ANKRD17: variants seen among roughly 807,000 people sequenced by gnomAD.
ANKRD17 encodes the protein ankyrin repeat domain-containing protein 17.
In ANKRD17, 19 loss-of-function variants were observed where a neutral mutation model predicts 229.7. The observed-to-expected ratio is 0.08, with a 90% CI of 0.06 to 0.12. The LOEUF (loss-of-function observed/expected upper bound fraction) is 0.12, where lower values mean the gene tolerates loss of function less well. ANKRD17 is among the 10% of genes least tolerant of loss of function. The pLI is 1.00. For synonymous variants in ANKRD17, 1,112 were observed against 1,146.1 expected (o/e 0.97, Z 0.60); for missense variants, 2,176 against 3,176.8 (o/e 0.68, Z 7.57).
chr4:73,188,430 T>G (rs528540591), intron 1 of ANKRD17, among the ~76,000 whole-genome samples: 8 of 151,382 alleles, frequency 5.3e-5, no homozygotes, highest in Non-Finnish European at 1.2e-4. Flanking sequence ...ACTAAAAATA[T>G]AAAAATTAGC....
At chr4:73,201,320 T>A (rs1210395044) in intron 1 of ANKRD17, among the ~76,000 whole-genome samples, 2 of 151,996 alleles carry the variant, frequency 1.3e-5, no homozygotes, top group African/African-American at 2.4e-5. Context: ...ATCTATAAAC[T>A]TTTTTTACTA....
intron 29 of ANKRD17, among the ~76,000 whole-genome samples, chr4:73,088,111 G>T (rs1001137462): frequency 6.6e-6 from 1 of 152,094 alleles, no homozygotes; most frequent in Non-Finnish European, 1.5e-5. Context: ...ATCTTTATGT[G>T]ACTTAAATAA....
intron 30 of ANKRD17, among the ~76,000 whole-genome samples, chr4:73,082,814 C>G (rs1224352593): frequency 6.6e-6 from 1 of 151,936 alleles, no homozygotes; most frequent in Non-Finnish European, 1.5e-5. Flanking sequence ...AACTTGCAGT[C>G]CTAATTAGAA....
chr4:73,124,532 T>C (rs961888269), intron 18 of ANKRD17, among the ~76,000 whole-genome samples: 4 of 152,102 alleles, frequency 2.6e-5, no homozygotes, highest in African/African-American at 9.7e-5. Flanking sequence ...TATTCTTAAT[T>C]CCCTACTAAT....
At chr4:73,111,924 A>G (rs972125648) in intron 24 of ANKRD17, among the ~76,000 whole-genome samples, 1 of 152,244 alleles carries the variant, frequency 6.6e-6, no homozygotes, top group South Asian at 2.1e-4. Flanking sequence ...TTTTGAATGA[A>G]TACAATATTT....
chr4:73,082,819 T>A (rs1352942035), intron 30 of ANKRD17, among the ~76,000 whole-genome samples: 1 of 152,182 alleles, frequency 6.6e-6, no homozygotes, highest in African/African-American at 2.4e-5. Context: ...GCAGTCCTAA[T>A]TAGAATCTTG....
chr4:73,088,341 C>T (rs1722415290), intron 29 of ANKRD17, among the ~76,000 whole-genome samples: 1 of 152,046 alleles, frequency 6.6e-6, no homozygotes, highest in South Asian at 2.1e-4. Flanking sequence ...CTCAAAATGA[C>T]CTGAATTAGG....
At chr4:73,221,297 A>G (rs945891890) in intron 1 of ANKRD17, among the ~76,000 whole-genome samples, 2 of 152,154 alleles carry the variant, frequency 1.3e-5, no homozygotes, top group Non-Finnish European at 2.9e-5. Context: ...AGGTAACATG[A>G]AATCTTAACA....
intron 21 of ANKRD17, 46 bp from the exon 22 acceptor site, chr4:73,118,896 T>TC (rs767446581): frequency 2.6e-6 from 4 of 1,559,052 alleles, no homozygotes; most frequent in Admixed American, 1.9e-5. Flanking sequence ...TTTTTTTTTT[T>TC]TTTTTTTTGA....
intron 30 of ANKRD17, among the ~76,000 whole-genome samples, chr4:73,085,017 A>G (rs1209010000): frequency 6.6e-6 from 1 of 152,180 alleles, no homozygotes; most frequent in Non-Finnish European, 1.5e-5. Flanking sequence ...CCTGTCTCTA[A>G]TAAAAATAAA....
chr4:73,193,413 A>C (rs550509248), intron 1 of ANKRD17, among the ~76,000 whole-genome samples: 1 of 152,306 alleles, frequency 6.6e-6, no homozygotes, highest in South Asian at 2.1e-4. Context: ...TGTATGTTTA[A>C]ATTTATAAAA....
At chr4:73,118,550 A>T in intron 22 of ANKRD17, 138 bp downstream of exon 22, 2 of 941,334 alleles carry the variant, frequency 2.1e-6, no homozygotes, top group Non-Finnish European at 1.6e-6. Flanking sequence ...TAATGTTGCC[A>T]TAAGAGTAAT....
intron 24 of ANKRD17, 78 bp downstream of exon 24, chr4:73,113,709 CAAAAA>C: frequency 8.9e-7 from 1 of 1,117,680 alleles, no homozygotes; most frequent in Middle Eastern, 2.0e-4. Flanking sequence ...CAAAACAAAA[CAAAAA>C]GACGGATTAC....
intron 1 of ANKRD17, among the ~76,000 whole-genome samples, chr4:73,198,264 C>A (rs1738165000): frequency 6.6e-6 from 1 of 152,082 alleles, no homozygotes. Context: ...AAATAATCAT[C>A]ATTTAATTGG....
chr4:73,085,073 G>C (rs543126416), intron 30 of ANKRD17, among the ~76,000 whole-genome samples, 176 bp downstream of exon 30: 1 of 152,240 alleles, frequency 6.6e-6, no homozygotes, highest in South Asian at 2.1e-4. Flanking sequence ...TTTTAGGTTT[G>C]ATAGAACCTA....
intron 1 of ANKRD17, among the ~76,000 whole-genome samples, chr4:73,211,231 A>AC (rs1740210732): frequency 6.6e-6 from 1 of 152,132 alleles, no homozygotes; most frequent in African/African-American, 2.4e-5. Flanking sequence ...AGGGTGGGAA[A>AC]ACCCTAGAGA....
rs1306946719 is a variant in ANKRD17, at chr4:73,097,987, C to A, written c.5021+86G>T. 6.0e-6 allele frequency: 8 copies of A among 1,337,828 alleles called. No individual in the cohort carries two copies. In the Admixed American group the frequency reaches 1.9e-4, roughly 32 times the overall value. The allele number at this position is 1,337,828 out of a possible 1,614,324, so 82.9% of individuals were successfully genotyped here. A position where few individuals can be genotyped will look rare whatever the true frequency, so the allele number is the denominator to read the frequency against. On this transcript the variant is annotated intron_variant, in intron 26 of 33. Transcript: ENST00000358602. ...AAGAAAAATCCTATTTTGCAAGTTG[C>A]AAATTTACTTTCTTTACCAACAAAT...
At chr4:73,208,892 A>T (rs1739868268) in intron 1 of ANKRD17, among the ~76,000 whole-genome samples, 1 of 152,158 alleles carries the variant, frequency 6.6e-6, no homozygotes, top group Non-Finnish European at 1.5e-5. Context: ...GGGAAAAAAT[A>T]AGAGCAGAAA....
rs1320102056 is a variant in ANKRD17 at position 73,098,102 on chromosome 4, T to C, written c.4992A>G (p.Arg1664=). The C allele has an allele frequency of 6.2e-7, 1 of 1,604,350 alleles. No individual in the cohort carries two copies. The highest frequency in any genetic ancestry group is 1.7e-5 in the Admixed American group (1 of 59,102). Residue 1664 remains arginine, a synonymous_variant, in exon 26 of 34, where the codon AGA becomes AGG. Coordinates refer to ENST00000358602, the MANE Select transcript of ANKRD17 (RefSeq NM_032217.5). The stretch of plus-strand genomic sequence containing the variant: ...TTGAAGCCTTGCCAGAAACAGATTT[T>C]CTCTCTTCCTTTGGAAATGTAACAA... ...SVLVTFPKEE[R]KSVSGKASIK...
Sources: allele counts gnomAD v4.1 joint callset (sites outside exome capture counted in the v4.1 genomes callset), GRCh38; gene constraint gnomAD v4.1.1; transcripts MANE v1.5; gene names NCBI Gene and HGNC (gene_info 2026-07-23, HGNC 2026-07-21).